UTP4: variants seen among roughly 807,000 people sequenced by gnomAD.
The protein encoded by UTP4 is UTP4 small subunit processome component.
Under a neutral mutation model 82.4 loss-of-function variants are expected in UTP4, and 45 were observed. That is an observed-to-expected ratio of 0.55 (90% CI 0.43 to 0.70). The LOEUF (loss-of-function observed/expected upper bound fraction) is 0.70. Among genes scored for constraint, UTP4 ranks in the 30% least tolerant of loss-of-function variants. UTP4 has a pLI of 0.00. For synonymous variants in UTP4, 348 were observed against 300.3 expected, an observed-to-expected ratio of 1.16 and a Z score of -1.64; for missense variants, 819 against 858.3, an observed-to-expected ratio of 0.95 and a Z score of 0.57.
At chr16:69,144,106 T>C (rs1029922122) in intron 6 of UTP4, among the ~76,000 whole-genome samples, 1 of 150,914 alleles carries the variant, frequency 6.6e-6, no homozygotes, top group Non-Finnish European at 1.5e-5. Context: ...CAGGCTAGTC[T>C]CGAACTCCTG....
chr16:69,144,297 G>A (rs932571737), intron 6 of UTP4, among the ~76,000 whole-genome samples: 1 of 151,914 alleles, frequency 6.6e-6, no homozygotes, highest in Non-Finnish European at 1.5e-5. Context: ...TGCCTCCAGG[G>A]AGCAATTTCT....
chr16:69,134,624 G>A (rs1962760595), intron 2 of UTP4, among the ~76,000 whole-genome samples: 1 of 151,448 alleles, frequency 6.6e-6, no homozygotes, highest in South Asian at 2.1e-4. Context: ...CACCACAAAT[G>A]GGTTACATTC....
chr16:69,152,793 T>C (rs1963309631), intron 8 of UTP4, among the ~76,000 whole-genome samples: 1 of 152,056 alleles, frequency 6.6e-6, no homozygotes, highest in East Asian at 1.9e-4. Context: ...TTTTTATTTT[T>C]TATTTTTTTT....
At chr16:69,158,719 C>G (rs1206277115) in intron 12 of UTP4, among the ~76,000 whole-genome samples, 1 of 152,116 alleles carries the variant, frequency 6.6e-6, no homozygotes, top group African/African-American at 2.4e-5. Context: ...CTTCACAGCT[C>G]TCAAACCTGC....
intron 14 of UTP4, among the ~76,000 whole-genome samples, chr16:69,164,580 C>A (rs912876546): frequency 8.6e-6 from 1 of 116,874 alleles, no homozygotes; most frequent in East Asian, 2.3e-4. Flanking sequence ...CAGTTCTAAT[C>A]ATTCTTTATA....
intron 11 of UTP4, among the ~76,000 whole-genome samples, 161 bp downstream of exon 11, chr16:69,156,154 C>CTTTT (rs36043898): frequency 0.018 from 2,338 of 130,392 alleles, 49 homozygotes; most frequent in African/African-American, 0.029. Context: ...TTCTTTCTTT[C>CTTTT]TTTTTTTTTT....
chr16:69,166,999 A>C (rs1963717840), intron 15 of UTP4, 76 bp from the exon 16 acceptor site: 1 of 983,504 alleles, frequency 1.0e-6, no homozygotes, highest in South Asian at 1.3e-5. Flanking sequence ...GTTGGGCTCA[A>C]AATGCACTAC....
chr16:69,154,744 T>A (rs1567376907), intron 10 of UTP4, among the ~76,000 whole-genome samples: 2 of 124,596 alleles, frequency 1.6e-5, no homozygotes, highest in African/African-American at 5.9e-5. Flanking sequence ...TTATTTATTT[T>A]TGAGACGGAG....
intron 14 of UTP4, among the ~76,000 whole-genome samples, chr16:69,163,887 T>G (rs978684592): frequency 5.0e-5 from 7 of 139,412 alleles, no homozygotes; most frequent in East Asian, 3.9e-4. Flanking sequence ...TCAGTTTGTT[T>G]TTTTTTTTTT....
Position 69,136,774 on chromosome 16 carries a change from A to C in UTP4, c.238A>C (p.Asn80His), listed in dbSNP as rs776624025. 11 of 1,614,142 alleles carry C rather than the reference A, an allele frequency of 6.8e-6. No individual in the cohort carries two copies. Among genetic ancestry groups the C allele is most frequent in the Non-Finnish European group, 8.5e-6 (10 of 1,180,004 alleles). ...EGQRLFSAGL[N>H]GEIMEYDLQA... ...ACAGCGACTCTTTAGTGCTGGGCTC[A>C]ATGGCGAGATTATGGAGTATGATTT... Residue 80 changes from asparagine to histidine, a missense_variant, in exon 3 of 17, where the codon AAT becomes CAT. Transcript: ENST00000314423.
intron 15 of UTP4, chr16:69,165,731 C>T: frequency 1.5e-6 from 1 of 648,454 alleles, no homozygotes. Flanking sequence ...TCGGGAGGCT[C>T]TCGGGGAAGG....
chr16:69,145,526 T>C (rs549724364), intron 6 of UTP4, among the ~76,000 whole-genome samples: 1 of 152,178 alleles, frequency 6.6e-6, no homozygotes, highest in Non-Finnish European at 1.5e-5. Flanking sequence ...GTGCTGAAAA[T>C]ACAGGCATGA....
At chr16:69,157,741 C>G (rs2152282359) in intron 12 of UTP4, among the ~76,000 whole-genome samples, 1 of 151,826 alleles carries the variant, frequency 6.6e-6, no homozygotes. Flanking sequence ...ACTATAGACA[C>G]TCACCACTAT....
intron 5 of UTP4, chr16:69,142,416 C>G (rs1352011302): frequency 6.4e-6 from 1 of 157,266 alleles, no homozygotes; most frequent in Non-Finnish European, 1.4e-5. Flanking sequence ...TGCCTGATAG[C>G]CCTCCTCAGA....
chr16:69,168,386 A>T (rs1417077367), intron 16 of UTP4, among the ~76,000 whole-genome samples: 1 of 135,854 alleles, frequency 7.4e-6, no homozygotes, highest in Non-Finnish European at 1.5e-5. Flanking sequence ...CCGTGAGCCG[A>T]GATTGCGCCA....
chr16:69,156,648 G>A (rs1310282539), intron 11 of UTP4, among the ~76,000 whole-genome samples: 1 of 151,760 alleles, frequency 6.6e-6, no homozygotes, highest in African/African-American at 2.4e-5. Flanking sequence ...TAGTAGAGAT[G>A]GGGTTTCACC....
At chr16:69,144,945 G>A (rs1042935329) in intron 6 of UTP4, among the ~76,000 whole-genome samples, 3 of 151,970 alleles carry the variant, frequency 2.0e-5, no homozygotes, top group African/African-American at 4.8e-5. Context: ...AGTTCAAGAC[G>A]AGCCTGGTCA....
At chr16:69,165,640 A>G (rs1055683346) in intron 15 of UTP4, 114 bp downstream of exon 15, 10 of 865,842 alleles carry the variant, frequency 1.2e-5, no homozygotes, top group Non-Finnish European at 1.7e-5. Flanking sequence ...CTAGTAAATC[A>G]GAATACAGGT....
chr16:69,141,681 T>C (rs1340434700), intron 5 of UTP4, among the ~76,000 whole-genome samples: 3 of 152,070 alleles, frequency 2.0e-5, no homozygotes, highest in Non-Finnish European at 4.4e-5. Context: ...TTACTATGCT[T>C]TCTGGGAGAG....
Sources: gnomAD v4.1 joint callset for allele counts (sites outside exome capture counted in the v4.1 genomes callset) on GRCh38, gnomAD v4.1.1 for gene constraint, MANE v1.5 for transcripts, NCBI Gene and HGNC (gene_info 2026-07-23, HGNC 2026-07-21) for gene names.